The following SEPTIN2 variants were observed in gnomAD, a reference collection of about 807,000 sequenced individuals.
The protein encoded by SEPTIN2 is septin 2, also known as septin-2.
A neutral mutation model predicts 46.5 loss-of-function variants in SEPTIN2; 34 were observed. The observed-to-expected ratio is 0.73, with a 90% CI of 0.56 to 0.97. The LOEUF (loss-of-function observed/expected upper bound fraction) is 0.97, where lower values mean the gene tolerates loss of function less well. Among genes scored for constraint, SEPTIN2 ranks in the 50% least tolerant of loss-of-function variants. The probability of loss-of-function intolerance (pLI) is 0.00; values close to 1 mark genes in which losing one functional copy is unlikely to be tolerated. For synonymous variants in SEPTIN2, 175 were observed against 153.4 expected (o/e 1.14, Z -1.04); for missense variants, 347 against 448.4 (o/e 0.77, Z 2.04).
chr2:241,342,028 T>C lies in SEPTIN2; in HGVS notation c.595-964T>C, dbSNP rs147842655. ...ACTACTGCCTGCTTGATAGGTCCGATTGTGGGATTTCACTGCTGACTGCTG... is the reference window on the plus strand; with the variant it reads ...ACTACTGCCTGCTTGATAGGTCCGACTGTGGGATTTCACTGCTGACTGCTG... On this transcript the variant is annotated intron_variant, in intron 7 of 12. Coordinates refer to ENST00000391971, the MANE Select transcript of SEPTIN2 (RefSeq NM_004404.5). Among the ~76,000 whole-genome samples, 443 of 152,308 alleles carry C rather than the reference T, an allele frequency of 2.9e-3. 1 individual carries two copies. Among genetic ancestry groups the C allele is most frequent in the Non-Finnish European group, 4.6e-3 (310 of 68,012 alleles).
intron 4 of SEPTIN2, 185 bp downstream of exon 4, chr2:241,335,397 C>A: frequency 1.3e-6 from 2 of 1,515,166 alleles, no homozygotes; most frequent in South Asian, 1.2e-5. Context: ...TGTAGACTTT[C>A]TTTGACACGT....
At chr2:241,335,883 G>A (rs763542559) in intron 4 of SEPTIN2, 92 bp from the exon 5 acceptor site, 3 of 1,516,066 alleles carry the variant, frequency 2.0e-6, no homozygotes, top group Non-Finnish European at 2.7e-6. Flanking sequence ...TCTGTAGAGA[G>A]GCAGTAGACT....
At chr2:241,320,209 G>C (rs757432902) in intron 1 of SEPTIN2, 1 of 470,972 alleles carries the variant, frequency 2.1e-6, no homozygotes, top group Admixed American at 2.3e-5. Context: ...GTAGAGGCTT[G>C]GAATAGTTAA....
At position 241,335,646 on chromosome 2, in the gene SEPTIN2, CTT is replaced by C. The variant is rs144003585; in HGVS notation, c.218-328_218-327del. The C allele has an allele frequency of 1.9e-3, 1,092 of 572,014 alleles. 5 individuals are homozygous for C. Among genetic ancestry groups the C allele is most frequent in the African/African-American group, 0.018 (948 of 53,604 alleles). The allele number at this position is 572,014 out of a possible 1,614,324, so 35.4% of individuals were successfully genotyped here. On this transcript the variant is annotated intron_variant, in intron 4 of 12. Transcript: ENST00000391971. ...AGGCACACATAGTGAGAGCCTAAGA[CTT>C]GGGCTGCTGCAAGAATATGTAGCCC...
intron 6 of SEPTIN2, 32 bp from the exon 7 acceptor site, chr2:241,337,641 T>G (rs745364649): frequency 6.3e-7 from 1 of 1,587,860 alleles, no homozygotes; most frequent in African/African-American, 1.4e-5. Context: ...GTATTTTTTT[T>G]AAATAAGTGA....
intron 2 of SEPTIN2, 103 bp from the exon 3 acceptor site, chr2:241,325,890 T>G (rs976710026): frequency 2.0e-5 from 22 of 1,113,962 alleles, no homozygotes; most frequent in Non-Finnish European, 2.5e-5. Flanking sequence ...TTAAAAAATT[T>G]GTGAAAACTG....
intron 1 of SEPTIN2, chr2:241,318,091 G>T (rs2076632105): frequency 2.8e-5 from 4 of 144,188 alleles, no homozygotes; most frequent in Admixed American, 7.0e-5. Context: ...AATTATGAGA[G>T]AAAACATTGT....
At chr2:241,327,263 A>G (rs2078151729) in intron 3 of SEPTIN2, among the ~76,000 whole-genome samples, 1 of 152,030 alleles carries the variant, frequency 6.6e-6, no homozygotes, top group Non-Finnish European at 1.5e-5. Flanking sequence ...GCATGAATAT[A>G]ATAAGATAAA....
chr2:241,344,899 G>A (rs2081795584), intron 9 of SEPTIN2, among the ~76,000 whole-genome samples: 1 of 151,930 alleles, frequency 6.6e-6, no homozygotes, highest in South Asian at 2.1e-4. Context: ...AACCAGCCTG[G>A]CCGACATGGT....
chr2:241,350,964 C>G (rs2060736521), intron 12 of SEPTIN2, among the ~76,000 whole-genome samples: 1 of 152,068 alleles, frequency 6.6e-6, no homozygotes, highest in Admixed American at 6.6e-5. Flanking sequence ...GAGGGTAGGT[C>G]ACATGGAGCT....
At chr2:241,328,715 C>G (rs965576964) in intron 3 of SEPTIN2, among the ~76,000 whole-genome samples, 1 of 151,592 alleles carries the variant, frequency 6.6e-6, no homozygotes. Context: ...GCACTCCAGC[C>G]GGGGCAACAA....
At chr2:241,323,515 C>T (rs1329526693) in intron 1 of SEPTIN2, among the ~76,000 whole-genome samples, 1 of 152,164 alleles carries the variant, frequency 6.6e-6, no homozygotes, top group African/African-American at 2.4e-5. Context: ...ACCTCGGCCT[C>T]CCAAAGTGCT....
chr2:241,328,432 AAAAAT>A (rs1468283911), intron 3 of SEPTIN2, among the ~76,000 whole-genome samples: 1 of 151,706 alleles, frequency 6.6e-6, no homozygotes, highest in East Asian at 1.9e-4. Flanking sequence ...CTCCGTCTCA[AAAAAT>A]AAAATTAAGT....
rs764501407 is a variant in SEPTIN2, at chr2:241,337,367, T to G, written c.342-15T>G. 6 of 1,608,574 alleles carry G rather than the reference T, an allele frequency of 3.7e-6. No individual in the cohort carries two copies. Among genetic ancestry groups the G allele is most frequent in the Non-Finnish European group, 8.5e-7 (1 of 1,177,226 alleles). On this transcript the variant is annotated splice_polypyrimidine_tract_variant and intron_variant, in intron 5 of 12. Coordinates refer to ENST00000391971, the MANE Select transcript of SEPTIN2 (RefSeq NM_004404.5). The stretch of plus-strand genomic sequence containing the variant: ...TATACCCTATGATTATTGTTAATGT[T>G]TCTGTTTCTCTCAGTTTTAAGACAA...
At chr2:241,343,370 A>G (rs537414319) in intron 8 of SEPTIN2, among the ~76,000 whole-genome samples, 1 of 152,062 alleles carries the variant, frequency 6.6e-6, no homozygotes, top group Admixed American at 6.5e-5. Context: ...GTGGTGGTGC[A>G]CACCTGTAGT....
intron 9 of SEPTIN2, among the ~76,000 whole-genome samples, chr2:241,345,726 T>C (rs548125690): frequency 6.6e-6 from 1 of 152,364 alleles, no homozygotes; most frequent in Non-Finnish European, 1.5e-5. Flanking sequence ...ACCAACTCTT[T>C]TTTCTCATAT....
At position 241,343,113 on chromosome 2, in the gene SEPTIN2, C is replaced by G. The variant is rs749401887; in HGVS notation, c.696+20C>G. On this transcript the variant is annotated intron_variant, in intron 8 of 12. Coordinates refer to ENST00000391971, the MANE Select transcript of SEPTIN2 (RefSeq NM_004404.5). ...CTCAAGGTAAGAACTGGCTTCAGAT[C>G]CACAACATAAATAACTCCTGTTTAC... 5.0e-5 allele frequency: 67 copies of G among 1,330,132 alleles called. No homozygotes were observed. The South Asian group carries it at 7.7e-4, about 15-fold the overall frequency. 82.4% of individuals were successfully genotyped at this position (1,330,132 alleles called of 1,614,324 possible).
At chr2:241,316,236 C>T in intron 1 of SEPTIN2, 1 of 364,236 alleles carries the variant, frequency 2.7e-6, no homozygotes, top group Non-Finnish European at 5.0e-6. Flanking sequence ...GTGGGGATTC[C>T]GGTGACCCCT....
At chr2:241,336,145 C>G in intron 5 of SEPTIN2, 47 bp downstream of exon 5, 1 of 1,578,910 alleles carries the variant, frequency 6.3e-7, no homozygotes, top group Middle Eastern at 1.7e-4. Context: ...ACTTAATATA[C>G]TTCATAAATT....
Sources: allele counts gnomAD v4.1 joint callset (sites outside exome capture counted in the v4.1 genomes callset), GRCh38; gene constraint gnomAD v4.1.1; transcripts MANE v1.5; gene names NCBI Gene and HGNC (gene_info 2026-07-23, HGNC 2026-07-21).